The following NEDD4L variants were observed in gnomAD, a reference collection of about 807,000 sequenced individuals.
NEDD4L encodes E3 ubiquitin-protein ligase NEDD4-like.
Under a neutral mutation model 148.9 loss-of-function variants are expected in NEDD4L, and 54 were observed. The observed-to-expected ratio is 0.36, with a 90% CI of 0.29 to 0.45. The LOEUF (loss-of-function observed/expected upper bound fraction) is 0.45. NEDD4L is among the 20% of genes least tolerant of loss of function. The pLI, the probability that NEDD4L is intolerant of heterozygous loss-of-function variation, is 1.00. For synonymous variants in NEDD4L, 433 were observed against 440.7 expected (o/e 0.98, Z 0.22); for missense variants, 856 against 1,233.8 (o/e 0.69, Z 4.59).
At chr18:58,095,389 G>T (rs910197873) in intron 1 of NEDD4L, among the ~76,000 whole-genome samples, 5 of 152,206 alleles carry the variant, frequency 3.3e-5, no homozygotes, top group Non-Finnish European at 7.3e-5. Flanking sequence ...ACAGATGGGG[G>T]GAAGCCAGTT....
intron 1 of NEDD4L, among the ~76,000 whole-genome samples, chr18:58,102,426 T>C (rs1174735810): frequency 2.6e-5 from 4 of 152,220 alleles, no homozygotes; most frequent in African/African-American, 9.7e-5. Context: ...CCTGGAAATA[T>C]GTGGCAAAAA....
At chr18:58,231,001 A>G (rs2045111475) in intron 2 of NEDD4L, among the ~76,000 whole-genome samples, 2 of 152,056 alleles carry the variant, frequency 1.3e-5, no homozygotes, top group African/African-American at 4.8e-5. Flanking sequence ...TAATTCCAAC[A>G]CTGTGGGAGG....
At chr18:58,191,456 A>T (rs561080318) in intron 2 of NEDD4L, among the ~76,000 whole-genome samples, 1 of 152,354 alleles carries the variant, frequency 6.6e-6, no homozygotes, top group Non-Finnish European at 1.5e-5. Flanking sequence ...CCTATTTCAG[A>T]ATCCAGAGGT....
At chr18:58,060,994 A>G (rs1285244996) in intron 1 of NEDD4L, among the ~76,000 whole-genome samples, 1 of 152,098 alleles carries the variant, frequency 6.6e-6, no homozygotes, top group Non-Finnish European at 1.5e-5. Flanking sequence ...TCCTGACCTC[A>G]AGTGATGTAC....
At chr18:58,174,238 G>T (rs1207278208) in intron 2 of NEDD4L, among the ~76,000 whole-genome samples, 2 of 152,036 alleles carry the variant, frequency 1.3e-5, no homozygotes, top group African/African-American at 4.8e-5. Context: ...GCTTTTTATG[G>T]GCTCAGAATA....
intron 5 of NEDD4L, among the ~76,000 whole-genome samples, chr18:58,262,507 T>A (rs539493520): frequency 1.3e-5 from 2 of 152,144 alleles, no homozygotes; most frequent in African/African-American, 4.8e-5. Context: ...CCTCTGTCTG[T>A]AGTCCCAGCT....
At chr18:58,235,076 T>C (rs760444646) in intron 2 of NEDD4L, among the ~76,000 whole-genome samples, 1 of 150,222 alleles carries the variant, frequency 6.7e-6, no homozygotes, top group Non-Finnish European at 1.5e-5. Flanking sequence ...TGTTCCCAGG[T>C]GTGTTCAAAG....
chr18:58,151,623 A>ATGTGTGTGTGTGTG (rs1491376739), intron 1 of NEDD4L, among the ~76,000 whole-genome samples: 51 of 56,658 alleles, frequency 9.0e-4, no homozygotes, highest in African/African-American at 2.8e-3. Context: ...CTGTGCCTGG[A>ATGTGTGTGTGTGTG]TATGTGTGTG....
In NEDD4L at chr18:58,138,816, G is replaced by C. The variant is rs537099815; in HGVS notation, c.49-26972G>C. ...TCATTCACAAGGGCGCCATCCTCAT[G>C]ACCTGATCACCTCGTAAAGGCTCCA... On this transcript the variant is annotated intron_variant, in intron 1 of 30. Transcript: ENST00000400345. Among the ~76,000 whole-genome samples the C allele has an allele frequency of 3.3e-5, 5 of 152,324 alleles. No individual in the cohort carries two copies. The East Asian group carries it at 7.7e-4, about 24-fold the overall frequency.
intron 1 of NEDD4L, among the ~76,000 whole-genome samples, chr18:58,074,045 T>C (rs1599080154): frequency 6.6e-6 from 1 of 152,106 alleles, no homozygotes; most frequent in East Asian, 1.9e-4. Flanking sequence ...ACTGGCAGGG[T>C]CTGCTTCCCT....
At chr18:58,112,380 ATTTATTT>A (rs1343042359) in intron 1 of NEDD4L, among the ~76,000 whole-genome samples, 1 of 125,862 alleles carries the variant, frequency 7.9e-6, no homozygotes, top group African/African-American at 3.4e-5. Flanking sequence ...TTATTTATTT[ATTTATTT>A]ATTTATTTAT....
chr18:58,203,166 T>C (rs111494423), intron 2 of NEDD4L, among the ~76,000 whole-genome samples: 119 of 152,262 alleles, frequency 7.8e-4, no homozygotes, highest in African/African-American at 2.8e-3. Flanking sequence ...GGATTCTTAC[T>C]GTGTTGCCCA....
rs574495471 is a variant in NEDD4L at position 58,397,419 on chromosome 18, T to G, written c.*1150T>G. ...CTTTTCCCTGCACACATCTTTCCGG[T>G]GCAATATCTATCAATTGTGAATCTG... On this transcript the variant is annotated 3_prime_UTR_variant, in exon 31 of 31. Transcript: ENST00000400345. 1 of 152,608 alleles carries G rather than the reference T, an allele frequency of 6.6e-6. No individual in the cohort carries two copies. The highest frequency in any genetic ancestry group is 1.9e-4 in the East Asian group (1 of 5,194). 9.5% of individuals were successfully genotyped at this position (152,608 alleles called of 1,614,324 possible). A position where few individuals can be genotyped will look rare whatever the true frequency, so the allele number is the denominator to read the frequency against.
At chr18:58,349,107 C>A (rs1028094662) in intron 16 of NEDD4L, among the ~76,000 whole-genome samples, 1 of 151,984 alleles carries the variant, frequency 6.6e-6, no homozygotes, top group Non-Finnish European at 1.5e-5. Context: ...GGCAGGGAGG[C>A]CTATTCCCTA....
At chr18:58,394,219 C>T (rs2147073105) in intron 30 of NEDD4L, among the ~76,000 whole-genome samples, 1 of 152,344 alleles carries the variant, frequency 6.6e-6, no homozygotes, top group South Asian at 2.1e-4. Flanking sequence ...ATGCGATTGA[C>T]TCATACCATC....
chr18:58,125,941 C>A (rs1055785247), intron 1 of NEDD4L, among the ~76,000 whole-genome samples: 2 of 152,258 alleles, frequency 1.3e-5, no homozygotes, highest in Non-Finnish European at 2.9e-5. Flanking sequence ...TCCCGCCACC[C>A]GGGCATCCGT....
At chr18:58,287,177 G>A (rs964287958) in intron 5 of NEDD4L, among the ~76,000 whole-genome samples, 5 of 147,728 alleles carry the variant, frequency 3.4e-5, no homozygotes, top group Non-Finnish European at 7.4e-5. Flanking sequence ...ACTTTATCCT[G>A]CTAAGGAGCT....
intron 20 of NEDD4L, among the ~76,000 whole-genome samples, chr18:58,364,954 T>C (rs1317447040): frequency 3.9e-5 from 6 of 152,238 alleles, no homozygotes; most frequent in Non-Finnish European, 7.3e-5. Context: ...TGTTTTACTT[T>C]CCGATTCCTC....
rs78522792 is a variant in NEDD4L at position 58,165,585 on chromosome 18, C to G, written c.49-203C>G. On this transcript the variant is annotated intron_variant, in intron 1 of 30. Coordinates refer to ENST00000400345, the MANE Select transcript of NEDD4L (RefSeq NM_001144967.3). Reference sequence around the variant, plus strand: ...CTTGTGCTTAATTAACTTGGATGTTCTAAGTTTCTAGAGTCACAGACTTTT... The same window carrying G: ...CTTGTGCTTAATTAACTTGGATGTTGTAAGTTTCTAGAGTCACAGACTTTT... 2,320 of 943,376 alleles carry G rather than the reference C, an allele frequency of 2.5e-3. 38 individuals are homozygous for G. In the African/African-American group the frequency reaches 0.039, roughly 16 times the overall value. The allele number at this position is 943,376 out of a possible 1,614,324, so 58.4% of individuals were successfully genotyped here.
Sources: allele counts gnomAD v4.1 joint callset (sites outside exome capture counted in the v4.1 genomes callset), GRCh38; gene constraint gnomAD v4.1.1; transcripts MANE v1.5; gene names NCBI Gene and HGNC (gene_info 2026-07-23, HGNC 2026-07-21).